Variants in ADAMTSL1 observed in about 807,000 individuals in gnomAD.
The protein encoded by ADAMTSL1 is ADAMTS-like protein 1.
A neutral mutation model predicts 201.8 loss-of-function variants in ADAMTSL1; 126 were observed. That is an observed-to-expected ratio of 0.62 (90% CI 0.54 to 0.72). The LOEUF is 0.72. Among genes scored for constraint, ADAMTSL1 ranks in the 30% least tolerant of loss-of-function variants. The probability of loss-of-function intolerance (pLI) is 0.00; values close to 1 mark genes in which losing one functional copy is unlikely to be tolerated. For missense variants in ADAMTSL1, 2,679 were observed against 2,277.8 expected (o/e 1.18, Z -3.59); for synonymous variants, 1,121 against 903.4 (o/e 1.24, Z -4.32).
intron 28 of ADAMTSL1, 88 bp from the exon 29 acceptor site, chr9:18,908,354 C>T (rs932447828): frequency 4.0e-5 from 46 of 1,150,880 alleles, no homozygotes; most frequent in Admixed American, 3.0e-4. Flanking sequence ...CTGAAACCCC[C>T]GGCTGCACCT....
At chr9:18,041,898 T>C (rs1039187011) in intron 1 of ADAMTSL1, among the ~76,000 whole-genome samples, 2 of 152,114 alleles carry the variant, frequency 1.3e-5, no homozygotes, top group Non-Finnish European at 2.9e-5. Context: ...TTTAGAAATG[T>C]TGGAAACTTT....
intron 1 of ADAMTSL1, among the ~76,000 whole-genome samples, chr9:18,152,880 T>G: frequency 6.6e-6 from 1 of 152,038 alleles, no homozygotes. Context: ...CTCCCCTTCT[T>G]AGGCAAAATG....
chr9:18,336,880 A>G (rs1835263080), intron 2 of ADAMTSL1, among the ~76,000 whole-genome samples: 1 of 152,196 alleles, frequency 6.6e-6, no homozygotes, highest in South Asian at 2.1e-4. Flanking sequence ...TCTAATAATG[A>G]TATTATAATA....
At chr9:18,709,097 C>G (rs1832402176) in intron 14 of ADAMTSL1, among the ~76,000 whole-genome samples, 1 of 152,126 alleles carries the variant, frequency 6.6e-6, no homozygotes, top group Non-Finnish European at 1.5e-5. Flanking sequence ...CTTTAAATGT[C>G]AACAACTGAA....
At chr9:18,908,255 T>G in intron 28 of ADAMTSL1, 187 bp from the exon 29 acceptor site, 1 of 613,904 alleles carries the variant, frequency 1.6e-6, no homozygotes, top group Non-Finnish European at 2.9e-6. Flanking sequence ...CCCCTGCTGT[T>G]GGCAGCCTTG....
intron 9 of ADAMTSL1, among the ~76,000 whole-genome samples, chr9:18,672,333 T>C (rs1829873972): frequency 6.6e-6 from 1 of 152,194 alleles, no homozygotes; most frequent in Non-Finnish European, 1.5e-5. Flanking sequence ...TTCTGTCTTT[T>C]CTTTCTTAGA....
At chr9:17,980,213 T>C (rs982050796) in intron 1 of ADAMTSL1, among the ~76,000 whole-genome samples, 1 of 152,168 alleles carries the variant, frequency 6.6e-6, no homozygotes, top group Non-Finnish European at 1.5e-5. Flanking sequence ...CTGTATTCAT[T>C]AGATCTTGTG....
chr9:18,503,372 C>A (rs534074111), intron 1 of ADAMTSL1, among the ~76,000 whole-genome samples: 85 of 143,632 alleles, frequency 5.9e-4, no homozygotes, highest in Non-Finnish European at 1.1e-3. Flanking sequence ...TCATGTTGAA[C>A]CTGCATCTAA....
intron 1 of ADAMTSL1, among the ~76,000 whole-genome samples, chr9:18,055,793 T>C (rs898157223): frequency 1.3e-5 from 2 of 152,252 alleles, no homozygotes; most frequent in Non-Finnish European, 2.9e-5. Context: ...TGGTTTTGGC[T>C]TTAAATTTCC....
At chr9:18,678,766 A>G (rs569723977) in intron 10 of ADAMTSL1, among the ~76,000 whole-genome samples, 1 of 152,182 alleles carries the variant, frequency 6.6e-6, no homozygotes, top group Non-Finnish European at 1.5e-5. Flanking sequence ...ATACTTATGT[A>G]TTCAACCCAA....
chr9:17,953,941 G>C (rs926086392), intron 1 of ADAMTSL1, among the ~76,000 whole-genome samples: 1 of 152,158 alleles, frequency 6.6e-6, no homozygotes, highest in African/African-American at 2.4e-5. Context: ...CCCTTGAAGG[G>C]TCCATATGTC....
rs534352939 is a variant in ADAMTSL1, at chr9:18,407,195, TGGGGTTCTCACAA to T, written c.208-97632_208-97620del. Among the ~76,000 whole-genome samples the T allele has an allele frequency of 1.7e-3, 264 of 152,316 alleles. 1 individual carries two copies. The highest frequency in any genetic ancestry group is 0.013 in the South Asian group (63 of 4,830). ...AGCAAGGAAAGCACTCAAAGCTGCCTGGGGTTCTCACAAGAGCTTTACAGAGAAGACAGACATT... is the reference window on the plus strand; with the variant it reads ...AGCAAGGAAAGCACTCAAAGCTGCCTGAGCTTTACAGAGAAGACAGACATT... On this transcript the variant is annotated intron_variant, in intron 2 of 29. Transcript: ENST00000680146.
chr9:18,364,327 A>G (rs1836667389), intron 2 of ADAMTSL1, among the ~76,000 whole-genome samples: 1 of 152,190 alleles, frequency 6.6e-6, no homozygotes, highest in Non-Finnish European at 1.5e-5. Flanking sequence ...AATTCTCTAT[A>G]GGATGGCTAT....
intron 26 of ADAMTSL1, among the ~76,000 whole-genome samples, chr9:18,893,289 G>GCAAA (rs1829407724): frequency 6.6e-6 from 1 of 152,096 alleles, no homozygotes; most frequent in Admixed American, 6.6e-5. Context: ...AATTACAATA[G>GCAAA]CAAACAGATC....
intron 2 of ADAMTSL1, among the ~76,000 whole-genome samples, chr9:18,192,433 G>A (rs970574140): frequency 2.0e-5 from 3 of 152,078 alleles, no homozygotes; most frequent in Non-Finnish European, 4.4e-5. Context: ...AACACAACTT[G>A]AGCCTATCAT....
chr9:18,821,514 C>T (rs760890017), intron 21 of ADAMTSL1, among the ~76,000 whole-genome samples: 5 of 152,142 alleles, frequency 3.3e-5, no homozygotes, highest in Middle Eastern at 3.2e-3. Context: ...CACATGGCCA[C>T]GCACAACTAC....
At chr9:18,257,509 A>AATG (rs1166950396) in intron 2 of ADAMTSL1, among the ~76,000 whole-genome samples, 1 of 152,240 alleles carries the variant, frequency 6.6e-6, no homozygotes, top group Non-Finnish European at 1.5e-5. Flanking sequence ...AAATAATAAT[A>AATG]ATAACAACAA....
intron 1 of ADAMTSL1, among the ~76,000 whole-genome samples, chr9:18,153,450 T>C (rs764581230): frequency 3.9e-5 from 6 of 152,092 alleles, no homozygotes; most frequent in Non-Finnish European, 8.8e-5. Context: ...CATATATTTA[T>C]AGAACTCAAT....
chr9:18,355,960 G>A (rs188228916), intron 2 of ADAMTSL1, among the ~76,000 whole-genome samples: 2 of 152,374 alleles, frequency 1.3e-5, no homozygotes, highest in African/African-American at 4.8e-5. Flanking sequence ...TTGCTTGGCT[G>A]TGCTACCTGC....
Sources: gnomAD v4.1 joint callset for allele counts (sites outside exome capture counted in the v4.1 genomes callset) on GRCh38, gnomAD v4.1.1 for gene constraint, MANE v1.5 for transcripts, NCBI Gene and HGNC (gene_info 2026-07-23, HGNC 2026-07-21) for gene names.